ATG7: variants seen among roughly 807,000 people sequenced by gnomAD.
The protein encoded by ATG7 is autophagy related 7.
In ATG7, 70 loss-of-function variants were observed where a neutral mutation model predicts 82.4. The ratio of observed to expected loss-of-function variants is 0.85; its 90% confidence interval spans 0.70 to 1.04. The LOEUF is 1.04. ATG7 is among the 50% of genes least tolerant of loss of function. ATG7 has a pLI of 0.00. For synonymous variants in ATG7, 287 were observed against 313.0 expected (o/e 0.92, Z 0.88); for missense variants, 792 against 864.3 (o/e 0.92, Z 1.05).
intron 20 of ATG7, among the ~76,000 whole-genome samples, chr3:11,536,219 C>T (rs2070282382): frequency 2.0e-5 from 3 of 152,184 alleles, no homozygotes; most frequent in Admixed American, 6.5e-5. Context: ...TTGAGAGGCT[C>T]ATTAGGGGTG....
intron 20 of ATG7, among the ~76,000 whole-genome samples, chr3:11,509,564 A>AC (rs2091937805): frequency 6.6e-6 from 1 of 152,054 alleles, no homozygotes; most frequent in Non-Finnish European, 1.5e-5. Flanking sequence ...TAAGTAAGTG[A>AC]CGTTTTAGAG....
At chr3:11,322,445 A>G (rs1323029916) in intron 9 of ATG7, among the ~76,000 whole-genome samples, 3 of 152,194 alleles carry the variant, frequency 2.0e-5, no homozygotes, top group Non-Finnish European at 4.4e-5. Context: ...TTCCAGCTAT[A>G]TATCTCTGTT....
At chr3:11,571,130 C>T in the ATG7 span, among the ~76,000 whole-genome samples, 2,158 of 152,268 alleles carry the variant, frequency 0.014, 55 homozygotes, top group African/African-American at 0.048. Context: ...GGCAAAATAC[C>T]GGCATTCGGA....
intron 5 of ATG7, among the ~76,000 whole-genome samples, chr3:11,305,744 G>T (rs189497949): frequency 9.1e-4 from 138 of 152,310 alleles, no homozygotes; most frequent in Admixed American, 1.4e-3. Flanking sequence ...TCTCCCTGAG[G>T]ACTTGGCATT....
chr3:11,301,788 C>T (rs1434501723), intron 5 of ATG7, among the ~76,000 whole-genome samples: 1 of 152,154 alleles, frequency 6.6e-6, no homozygotes, highest in African/African-American at 2.4e-5. Context: ...TTTGTGTAAT[C>T]TGGAGAGCCT....
chr3:11,458,292 C>T (rs1328712933), intron 20 of ATG7, among the ~76,000 whole-genome samples: 1 of 151,998 alleles, frequency 6.6e-6, no homozygotes, highest in Non-Finnish European at 1.5e-5. Context: ...TTGATGGGGT[C>T]TTGCTGTGTT....
intron 19 of ATG7, among the ~76,000 whole-genome samples, chr3:11,418,624 C>T (rs939134432): frequency 6.6e-6 from 1 of 152,070 alleles, no homozygotes; most frequent in African/African-American, 2.4e-5. Flanking sequence ...GTTTTTCTGC[C>T]CCTCTCCCAG....
At chr3:11,483,215 G>A (rs1441924521) in intron 20 of ATG7, among the ~76,000 whole-genome samples, 2 of 152,132 alleles carry the variant, frequency 1.3e-5, no homozygotes, top group East Asian at 3.8e-4. Context: ...GTCATGGAGA[G>A]GTAAAGTGAT....
At chr3:11,569,062 C>T in the ATG7 span, 2 of 471,120 alleles carry the variant, frequency 4.2e-6, no homozygotes, top group Non-Finnish European at 5.7e-6. Flanking sequence ...CAAGAATGTC[C>T]ATAACATCTG....
intron 3 of ATG7, among the ~76,000 whole-genome samples, chr3:11,287,957 C>A (rs555444813): frequency 9.8e-5 from 15 of 152,332 alleles, no homozygotes; most frequent in Non-Finnish European, 1.5e-4. Context: ...TGGATCAAGT[C>A]CTGCCCGAGG....
rs1221498130 is a variant in ATG7, at chr3:11,489,303, T to C, written c.2079+62377T>C. Among the ~76,000 whole-genome samples the C allele has an allele frequency of 2.0e-5, 3 of 152,234 alleles. No individual in the cohort carries two copies. In the East Asian group the frequency reaches 5.8e-4, roughly 29 times the overall value. On this transcript the variant is annotated intron_variant, in intron 20 of 20. Coordinates refer to ENST00000693202, the MANE Select transcript of ATG7 (RefSeq NM_001349232.2). ...TAGTATTCTCTGATGGTATTTTGTA[T>C]TTCTGTGGGATTGGTGGTGATATCC...
At chr3:11,561,855 T>C (rs2073038425), downstream of ATG7, among the ~76,000 whole-genome samples, 1 of 149,344 alleles carries the variant, frequency 6.7e-6, no homozygotes, top group Non-Finnish European at 1.5e-5. Flanking sequence ...CCACCTCTCC[T>C]ATCTGAAAGC....
intron 11 of ATG7, among the ~76,000 whole-genome samples, chr3:11,335,330 A>C (rs1346403851): frequency 6.6e-6 from 1 of 152,134 alleles, no homozygotes; most frequent in East Asian, 1.9e-4. Flanking sequence ...ACACTGGAAG[A>C]AGAATTGTCT....
chr3:11,303,266 G>A (rs186622493), intron 5 of ATG7, among the ~76,000 whole-genome samples: 1 of 152,330 alleles, frequency 6.6e-6, no homozygotes, highest in African/African-American at 2.4e-5. Flanking sequence ...AAAGAAGACT[G>A]GGAAGCGTGG....
intron 20 of ATG7, among the ~76,000 whole-genome samples, chr3:11,450,852 A>C (rs2152984455): frequency 6.6e-6 from 1 of 152,318 alleles, no homozygotes; most frequent in South Asian, 2.1e-4. Context: ...AGAAACTCCC[A>C]ACCTCAACTG....
chr3:11,320,234 A>G (rs73125433), intron 9 of ATG7, among the ~76,000 whole-genome samples: 3,854 of 150,798 alleles, frequency 0.026, 173 homozygotes, highest in African/African-American at 0.089. Context: ...CCTGACCTCT[A>G]TAAAAAGGTT....
chr3:11,553,506 T>C (rs139152833), intron 20 of ATG7, among the ~76,000 whole-genome samples: 335 of 152,132 alleles, frequency 2.2e-3, no homozygotes, highest in African/African-American at 7.4e-3. Flanking sequence ...ATGCAACCTT[T>C]GTTAGAAACA....
At chr3:11,299,204 T>C in intron 4 of ATG7, 158 bp from the exon 5 acceptor site, 3 of 656,012 alleles carry the variant, frequency 4.6e-6, no homozygotes, top group Middle Eastern at 8.4e-4. Flanking sequence ...CTGCCATTTA[T>C]CTATCCATAC....
chr3:11,334,874 T>C (rs1952175991), intron 11 of ATG7, among the ~76,000 whole-genome samples: 1 of 149,370 alleles, frequency 6.7e-6, no homozygotes. Flanking sequence ...GAAGAATCGC[T>C]TGAACCTGGG....
Sources: gnomAD v4.1 joint callset for allele counts (sites outside exome capture counted in the v4.1 genomes callset) on GRCh38, gnomAD v4.1.1 for gene constraint, MANE v1.5 for transcripts, NCBI Gene and HGNC (gene_info 2026-07-23, HGNC 2026-07-21) for gene names.